The following SCRG1 variants were observed in gnomAD, a reference collection of about 807,000 sequenced individuals.
SCRG1 encodes stimulator of chondrogenesis 1.
Under a neutral mutation model 7.7 loss-of-function variants are expected in SCRG1, and 3 were observed. The ratio of observed to expected loss-of-function variants is 0.39; its 90% CI spans 0.18 to 1.01. The LOEUF is 1.01. Ranked by LOEUF, SCRG1 falls within the 50% of genes least tolerant of loss-of-function variation. The pLI, the probability that SCRG1 is intolerant of heterozygous loss-of-function variation, is 0.36. For missense variants in SCRG1, 110 were observed against 117.2 expected (o/e 0.94, Z 0.28); for synonymous variants, 46 against 41.2 (o/e 1.12, Z -0.44).
At chr4:173,509,401 C>T in the SCRG1 span, among the ~76,000 whole-genome samples, 1 of 152,142 alleles carries the variant, frequency 6.6e-6, no homozygotes, top group Non-Finnish European at 1.5e-5. This position sits in a 1 kb window ranked among gnomAD's most constrained non-coding sequence, Gnocchi z 5.7. Flanking sequence ...CGCTTTTCCT[C>T]CCCGGGAGCA....
At chr4:173,460,557 C>T in the SCRG1 span, among the ~76,000 whole-genome samples, 1 of 152,210 alleles carries the variant, frequency 6.6e-6, no homozygotes, top group East Asian at 1.9e-4. Context: ...TTTCTAGACA[C>T]ACCCTGGTCC....
At chr4:173,402,915 C>A (rs538452092), upstream of SCRG1, among the ~76,000 whole-genome samples, 1 of 152,124 alleles carries the variant, frequency 6.6e-6, no homozygotes, top group Non-Finnish European at 1.5e-5. Context: ...TGATGAACTG[C>A]GACAAAATCA....
the SCRG1 span, among the ~76,000 whole-genome samples, chr4:173,446,171 T>A: frequency 2.6e-5 from 4 of 152,354 alleles, no homozygotes; most frequent in Admixed American, 2.6e-4. Flanking sequence ...AATATTCATT[T>A]ATTTTCTTTA....
the SCRG1 span, among the ~76,000 whole-genome samples, chr4:173,473,404 T>C: frequency 3.9e-5 from 6 of 152,294 alleles, no homozygotes; most frequent in African/African-American, 1.4e-4. Flanking sequence ...AAACATACCC[T>C]AAGTTGGGCA....
chr4:173,480,379 T>C, the SCRG1 span, among the ~76,000 whole-genome samples: 1 of 152,098 alleles, frequency 6.6e-6, no homozygotes, highest in Non-Finnish European at 1.5e-5. Context: ...TGTTTTTTTT[T>C]AAGGCCTGGC....
At chr4:173,476,359 A>ATATATATATATATATATATATATATAT in the SCRG1 span, among the ~76,000 whole-genome samples, 2 of 24,254 alleles carry the variant, frequency 8.2e-5, no homozygotes, top group African/African-American at 2.0e-4. Flanking sequence ...AGGGGGAAAA[A>ATATATATATATATATATATATATATAT]AAAAATATAT....
rs142050100 is a variant in SCRG1, at chr4:173,385,865, G to T, written c.*2476C>A. 1 of 152,200 alleles carries T rather than the reference G, an allele frequency of 6.6e-6. No individual in the cohort carries two copies. The allele number at this position is 152,200 out of a possible 1,614,324, so 9.4% of individuals were successfully genotyped here. A position where few individuals can be genotyped will look rare whatever the true frequency, so the allele number is the denominator to read the frequency against. On this transcript the variant is annotated 3_prime_UTR_variant, in exon 3 of 3. Coordinates refer to ENST00000296506, the MANE Select transcript of SCRG1 (RefSeq NM_007281.4). ...CCTCAAGGAGAGTTCCTACCAAGTA[G>T]AAAATAAAACTGGTTTGCTGATAGT... is the stretch of plus-strand genomic sequence containing the variant.
chr4:173,413,442 A>G, the SCRG1 span, among the ~76,000 whole-genome samples: 1 of 152,240 alleles, frequency 6.6e-6, no homozygotes, highest in Non-Finnish European at 1.5e-5. Context: ...GGCATCTTCC[A>G]GCCTCCAGGA....
the SCRG1 span, among the ~76,000 whole-genome samples, chr4:173,426,445 T>C: frequency 1.3e-5 from 2 of 152,230 alleles, no homozygotes; most frequent in African/African-American, 2.4e-5. Flanking sequence ...ACATAAAATC[T>C]GTGATCTAGT....
chr4:173,440,885 C>A, the SCRG1 span, among the ~76,000 whole-genome samples: 1 of 152,184 alleles, frequency 6.6e-6, no homozygotes, highest in African/African-American at 2.4e-5. Context: ...ATATGGCTTT[C>A]TCTTCTGTGT....
chr4:173,453,941 G>A, the SCRG1 span, among the ~76,000 whole-genome samples: 2 of 152,144 alleles, frequency 1.3e-5, no homozygotes. Context: ...AGCCAGGCAT[G>A]GTGGCATGTG....
chr4:173,454,931 A>G, the SCRG1 span, among the ~76,000 whole-genome samples: 1 of 152,166 alleles, frequency 6.6e-6, no homozygotes, highest in Non-Finnish European at 1.5e-5. Context: ...CTAAATAGCT[A>G]TTTCCTTAAC....
At chr4:173,483,839 A>ACG in the SCRG1 span, among the ~76,000 whole-genome samples, 1 of 101,346 alleles carries the variant, frequency 9.9e-6, no homozygotes, top group East Asian at 3.2e-4. Flanking sequence ...ATAATATATA[A>ACG]TATATAATAT....
the SCRG1 span, among the ~76,000 whole-genome samples, chr4:173,470,475 C>T: frequency 6.6e-6 from 1 of 152,170 alleles, no homozygotes; most frequent in Non-Finnish European, 1.5e-5. Context: ...GTTATAAAGA[C>T]TGTGAAGAAA....
the SCRG1 span, among the ~76,000 whole-genome samples, chr4:173,508,623 G>C: frequency 1.3e-5 from 2 of 152,278 alleles, no homozygotes; most frequent in African/African-American, 4.8e-5. The surrounding 1 kb of genome is among the most constrained non-coding windows in gnomAD (Gnocchi z 4.4). Flanking sequence ...GTGAGGGCAG[G>C]GGCCCCCTGA....
upstream of SCRG1, among the ~76,000 whole-genome samples, chr4:173,408,026 T>C (rs1739949042): frequency 6.6e-6 from 1 of 152,204 alleles, no homozygotes; most frequent in South Asian, 2.1e-4. Flanking sequence ...CAACACAGTA[T>C]TAGATAACTA....
chr4:173,483,377 T>TTATATATTATATCATGA, the SCRG1 span, among the ~76,000 whole-genome samples: 1 of 16,150 alleles, frequency 6.2e-5, no homozygotes, highest in African/African-American at 1.9e-4. Context: ...TAATATTATA[T>TTATATATTATATCATGA]TATATATTAT....
chr4:173,415,866 T>G, the SCRG1 span, among the ~76,000 whole-genome samples: 2 of 152,230 alleles, frequency 1.3e-5, 1 homozygote, highest in Admixed American at 1.3e-4. Flanking sequence ...TGTGGCTGCA[T>G]GAACACACCA....
the SCRG1 span, among the ~76,000 whole-genome samples, chr4:173,455,545 T>C: frequency 6.6e-6 from 1 of 152,072 alleles, no homozygotes; most frequent in African/African-American, 2.4e-5. Flanking sequence ...ATTTCCCCCA[T>C]GGCCTTACTC....
Sources: gnomAD v4.1 joint callset for allele counts (sites outside exome capture counted in the v4.1 genomes callset) on GRCh38, gnomAD v4.1.1 for gene constraint, Gnocchi (gnomAD v3.1) non-coding constraint, MANE v1.5 for transcripts, NCBI Gene and HGNC (gene_info 2026-07-23, HGNC 2026-07-21) for gene names.